Variants in CENPF observed in about 807,000 individuals in gnomAD.
CENPF encodes AH antigen.
In CENPF, 214 loss-of-function variants were observed where a neutral mutation model predicts 307.3. The ratio of observed to expected loss-of-function variants is 0.70; its 90% CI spans 0.62 to 0.78. CENPF has a LOEUF of 0.78. Ranked by LOEUF, CENPF falls within the 30% of genes least tolerant of loss-of-function variation. The pLI is 0.00. For synonymous variants in CENPF, 1,259 were observed against 1,270.6 expected, an observed-to-expected ratio of 0.99 and a Z score of 0.19; for missense variants, 3,401 against 3,483.9, an observed-to-expected ratio of 0.98 and a Z score of 0.60.
Position 214,637,968 on chromosome 1 carries a change from A to G in CENPF, c.1549A>G (p.Asn517Asp). 2 of 1,611,228 alleles carry G rather than the reference A, an allele frequency of 1.2e-6. No homozygotes were observed. Among genetic ancestry groups the G allele is most frequent in the Non-Finnish European group, 1.7e-6 (2 of 1,179,460 alleles). ...AELKNIKQCL[N>D]QSQNFAEEMK... Reference sequence around the variant, plus strand: ...ACTCAAGAACATCAAACAGTGTTTAAATCAGAGCCAGAATTTTGCAGAAGA... The same window carrying G: ...ACTCAAGAACATCAAACAGTGTTTAGATCAGAGCCAGAATTTTGCAGAAGA... Residue 517 changes from asparagine (N) to aspartate (D), a missense_variant, in exon 11 of 20, where the codon AAT becomes GAT. Coordinates refer to ENST00000366955, the MANE Select transcript of CENPF (RefSeq NM_016343.4).
At position 214,640,013 on chromosome 1, in the gene CENPF, G is replaced by T; in HGVS notation, c.1675G>T (p.Ala559Ser). Residue 559 changes from alanine to serine, a missense_variant, in exon 12 of 20, where the codon GCT (alanine) becomes TCT (serine). By Grantham distance (99) the Ala-to-Ser change is moderately conservative. Transcript: ENST00000366955. ...CTTGACTTTAGAAAAACTGAAGCTTGCTGTGGCTGATCTGGAAAAGCAGCG... is the reference window on the plus strand; with the variant it reads ...CTTGACTTTAGAAAAACTGAAGCTTTCTGTGGCTGATCTGGAAAAGCAGCG... ...NSLTLEKLKL[A>S]VADLEKQRDC... 4 of 1,596,914 alleles carry T rather than the reference G, an allele frequency of 2.5e-6. No individual in the cohort carries two copies. Among genetic ancestry groups the T allele is most frequent in the Non-Finnish European group, 3.4e-6 (4 of 1,176,000 alleles).
rs3795523 is a variant in CENPF at position 214,640,598 on chromosome 1, C to G, written c.2260C>G (p.Gln754Glu). ...AATAATGGACAAAGACCGGTGTTAC[C>G]AAGACTTGCATGCCGAATATGAGAG... is the stretch of plus-strand genomic sequence containing the variant. Reference protein sequence around the residue: ...NEIMDKDRCYQDLHAEYESLR... With the variant: ...NEIMDKDRCYEDLHAEYESLR... The change falls in exon 12 of 20, where the codon CAA becomes GAA. Residue 754 changes from glutamine (Q) to glutamate (E), a missense_variant. Gln to Glu is a conservative substitution (Grantham distance 29). Coordinates refer to ENST00000366955, the MANE Select transcript of CENPF (RefSeq NM_016343.4). The G allele has an allele frequency of 0.063, 101,603 of 1,613,914 alleles. 4,160 individuals are homozygous for G. The highest frequency in any genetic ancestry group is 0.15 in the South Asian group (13,217 of 91,062).
chr1:214,614,003 A>G (rs1657268859), intron 2 of CENPF, 87 bp downstream of exon 2: 8 of 1,250,168 alleles, frequency 6.4e-6, no homozygotes, highest in Middle Eastern at 2.0e-4. Flanking sequence ...TCATTTTTGG[A>G]TTAATTATTT....
In CENPF at chr1:214,614,872, A is replaced by G. The variant is rs371576824; in HGVS notation, c.203A>G (p.Glu68Gly). Residue 68 changes from glutamate to glycine, a missense_variant, in exon 3 of 20, where the codon GAG becomes GGG. Coordinates refer to ENST00000366955, the MANE Select transcript of CENPF (RefSeq NM_016343.4). The part of the protein sequence containing the change: ...EKTEGTNLKR[E>G]NQRLMEICES... ...ACCGAGGGTACAAACCTGAAAAGGG[A>G]GAATCAAAGATTGATGGAAATATGT... The G allele has an allele frequency of 3.1e-6, 5 of 1,604,080 alleles. No individual in the cohort carries two copies. In the African/African-American group the frequency reaches 5.4e-5, roughly 17 times the overall value.
rs1327020688 is a variant in CENPF, at chr1:214,641,916, A to G, written c.3578A>G (p.Gln1193Arg). 1.3e-6 allele frequency: 2 copies of G among 1,591,872 alleles called. No homozygotes were observed. Among genetic ancestry groups the G allele is most frequent in the Non-Finnish European group, 1.7e-6 (2 of 1,173,208 alleles). The change falls in exon 12 of 20, where the codon CAG becomes CGG. Residue 1193 changes from glutamine (Q) to arginine (R), a missense_variant. Gln to Arg is a conservative substitution (Grantham distance 43). Transcript: ENST00000366955. The stretch of plus-strand genomic sequence containing the variant: ...AGAAATCAATGTAATTTTAAACCTC[A>G]GATGGATCTTGAAGTTAAAGAAATT... ...SERNQCNFKPQMDLEVKEISL... is the reference protein window; with the variant it reads ...SERNQCNFKPRMDLEVKEISL...
chr1:214,642,507 A>T lies in CENPF; in HGVS notation c.4169A>T (p.Tyr1390Phe), dbSNP rs746157972. 6.2e-7 allele frequency: 1 copy of T among 1,611,668 alleles called. No individual in the cohort carries two copies. The highest frequency in any genetic ancestry group is 1.1e-5 in the South Asian group (1 of 90,566). ...SLAPLDESNS[Y>F]EHLTLSDKEV... The stretch of plus-strand genomic sequence containing the variant: ...GCTCCATTGGACGAGAGTAATTCCT[A>T]CGAGCACTTGACATTGTCAGACAAA... The change falls in exon 12 of 20, where the codon TAC (tyrosine) becomes TTC (phenylalanine). Residue 1390 changes from tyrosine to phenylalanine, a missense_variant. Physicochemically the swap from Tyr to Phe is conservative, Grantham distance 22. Coordinates refer to ENST00000366955, the MANE Select transcript of CENPF (RefSeq NM_016343.4).
At chr1:214,656,856 AT>A (rs753399599) in intron 17 of CENPF, 76 bp from the exon 18 acceptor site, 9 of 960,834 alleles carry the variant, frequency 9.4e-6, no homozygotes, top group Non-Finnish European at 1.4e-5. Context: ...CACGTCTAAG[AT>A]TATCTGCTTC....
intron 17 of CENPF, among the ~76,000 whole-genome samples, chr1:214,656,100 A>G (rs993430985): frequency 6.6e-6 from 1 of 152,182 alleles, no homozygotes; most frequent in African/African-American, 2.4e-5. Flanking sequence ...GTCCATTCGT[A>G]TGGGTCAACT....
intron 1 of CENPF, chr1:214,613,123 A>G: frequency 3.7e-6 from 1 of 266,778 alleles, no homozygotes; most frequent in Non-Finnish European, 7.3e-6. Flanking sequence ...TACAACTATT[A>G]ACCCTATTTA....
intron 17 of CENPF, among the ~76,000 whole-genome samples, 163 bp downstream of exon 17, chr1:214,655,566 C>G (rs959549041): frequency 6.6e-6 from 1 of 152,084 alleles, no homozygotes; most frequent in Non-Finnish European, 1.5e-5. Flanking sequence ...TTGTGCTTAT[C>G]TTGGGATCAT....
chr1:214,649,911 A>G (rs929349323), intron 14 of CENPF, among the ~76,000 whole-genome samples: 2 of 152,246 alleles, frequency 1.3e-5, no homozygotes, highest in African/African-American at 4.8e-5. Context: ...AATAAGTGCT[A>G]GTAAGGTCAG....
At position 214,646,250 on chromosome 1, in the gene CENPF, C is replaced by T; in HGVS notation, c.6680C>T (p.Ser2227Leu). The change falls in exon 13 of 20, where the codon TCA becomes TTA. Residue 2227 changes from serine to leucine, a missense_variant. Ser to Leu is a moderately radical substitution (Grantham distance 145, BLOSUM62 -2). Coordinates refer to ENST00000366955, the MANE Select transcript of CENPF (RefSeq NM_016343.4). Reference sequence around the variant, plus strand: ...ATACAAGAAAAACAAGGTCAGTTGTCAGAACTAGACAAGTTACTCTCTTCA... The same window carrying T: ...ATACAAGAAAAACAAGGTCAGTTGTTAGAACTAGACAAGTTACTCTCTTCA... ...KQIQEKQGQL[S>L]ELDKLLSSFK... The T allele has an allele frequency of 6.2e-7, 1 of 1,613,902 alleles. No individual in the cohort carries two copies. The highest frequency in any genetic ancestry group is 8.5e-7 in the Non-Finnish European group (1 of 1,179,994).
At chr1:214,656,464 G>T (rs1328858511) in intron 17 of CENPF, among the ~76,000 whole-genome samples, 1 of 152,130 alleles carries the variant, frequency 6.6e-6, no homozygotes, top group African/African-American at 2.4e-5. Context: ...ATTGCCTTCA[G>T]ATGCTTTCAG....
intron 5 of CENPF, 53 bp from the exon 6 acceptor site, chr1:214,620,602 G>A (rs1657476808): frequency 1.3e-6 from 2 of 1,509,812 alleles, no homozygotes; most frequent in South Asian, 2.6e-5. Flanking sequence ...AAAATAAATA[G>A]CCTTGAGTAT....
rs1212268578 is a variant in CENPF at position 214,646,669 on chromosome 1, G to C, written c.7099G>C (p.Glu2367Gln). The change falls in exon 13 of 20, where the codon GAG (glutamate) becomes CAG (glutamine). Residue 2367 changes from glutamate (E) to glutamine (Q), a missense_variant. Physicochemically the swap from Glu to Gln is conservative, Grantham distance 29. Coordinates refer to ENST00000366955, the MANE Select transcript of CENPF (RefSeq NM_016343.4). ...LEAENSKGEV[E>Q]TLKAKIEGMT... is the part of the protein sequence containing the mutation. Reference sequence around the variant, plus strand: ...GGCAGAGAATTCCAAAGGAGAGGTAGAGACCCTAAAAGCAAAAATAGAAGG... The same window carrying C: ...GGCAGAGAATTCCAAAGGAGAGGTACAGACCCTAAAAGCAAAAATAGAAGG... 1 of 1,614,004 alleles carries C rather than the reference G, an allele frequency of 6.2e-7. No individual in the cohort carries two copies. The highest frequency in any genetic ancestry group is 1.1e-5 in the South Asian group (1 of 91,076).
chr1:214,656,839 G>C, intron 17 of CENPF, 94 bp from the exon 18 acceptor site: 1 of 858,136 alleles, frequency 1.2e-6, no homozygotes, highest in Non-Finnish European at 1.8e-6. Context: ...AAAAATCAAA[G>C]AAAGAACACG....
At chr1:214,650,951 CAAAA>C in intron 14 of CENPF, among the ~76,000 whole-genome samples, 1 of 152,028 alleles carries the variant, frequency 6.6e-6, no homozygotes, top group Non-Finnish European at 1.5e-5. Flanking sequence ...TAACAAAAAA[CAAAA>C]GAAGGAAGGA....
Position 214,659,242 on chromosome 1 carries a change from A to G in CENPF, c.9141+214A>G, listed in dbSNP as rs1440538754. On this transcript the variant is annotated intron_variant, in intron 19 of 19. Coordinates refer to ENST00000366955, the MANE Select transcript of CENPF (RefSeq NM_016343.4). This position sits in a 1 kb window ranked among gnomAD's most constrained non-coding sequence, Gnocchi z 4.4. ...TCATCCTTCAGTCAACAGGCCGCTT[A>G]TATGTAGTTTGATGGAAAATGGCAT... Among the ~76,000 whole-genome samples, 1 of 152,180 alleles carries G rather than the reference A, an allele frequency of 6.6e-6. No homozygotes were observed. Among genetic ancestry groups the G allele is most frequent in the African/African-American group, 2.4e-5 (1 of 41,448 alleles).
intron 19 of CENPF, among the ~76,000 whole-genome samples, chr1:214,662,444 A>G (rs934210677): frequency 1.2e-4 from 18 of 152,206 alleles, no homozygotes; most frequent in African/African-American, 4.8e-5. Context: ...CATGTAATGA[A>G]AAGTATTTAA....
Sources: gnomAD v4.1 joint callset for allele counts (sites outside exome capture counted in the v4.1 genomes callset) on GRCh38, gnomAD v4.1.1 for gene constraint, Gnocchi (gnomAD v3.1) non-coding constraint, MANE v1.5 for transcripts, NCBI Gene and HGNC (gene_info 2026-07-23, HGNC 2026-07-21) for gene names.